TMEM132B: variants seen among roughly 807,000 people sequenced by gnomAD.
TMEM132B encodes the protein transmembrane protein 132B.
Under a neutral mutation model 90.8 loss-of-function variants are expected in TMEM132B, and 18 were observed. That is an observed-to-expected ratio of 0.20 (90% CI 0.14 to 0.29). TMEM132B has a LOEUF of 0.29. Among genes scored for constraint, TMEM132B ranks in the 10% least tolerant of loss-of-function variants. TMEM132B has a pLI of 1.00. For missense variants in TMEM132B, 1,096 were observed against 1,326.8 expected (o/e 0.83, Z 2.70); for synonymous variants, 504 against 523.3 (o/e 0.96, Z 0.50).
At chr12:125,630,438 G>C (rs949528368) in intron 5 of TMEM132B, among the ~76,000 whole-genome samples, 8 of 151,890 alleles carry the variant, frequency 5.3e-5, no homozygotes, top group Admixed American at 5.3e-4. Flanking sequence ...GTTGCTTATG[G>C]TAGCCACTAA....
At position 125,452,168 on chromosome 12, in the gene TMEM132B, C is replaced by A. The variant is rs561680576; in HGVS notation, c.1106+36491C>A. 1.2e-4 allele frequency among the ~76,000 whole-genome samples: 18 copies of A among 152,286 alleles called. 1 individual carries two copies. The South Asian group carries it at 3.3e-3, about 28-fold the overall frequency. On this transcript the variant is annotated intron_variant, in intron 3 of 8. Coordinates refer to ENST00000682704, the MANE Select transcript of TMEM132B (RefSeq NM_001366854.1). ...ATGCACCTATCTCATCCCCTGGATT[C>A]CAGCTGTGTAATTTTTTACCTTTAA...
In TMEM132B at chr12:125,349,338, G is replaced by A; in HGVS notation, c.68-114G>A. ...GCTTTCACTGTGATGAGACCTGGGG[G>A]AGAAACAGTGGCCAGTGGGCGGTTT... On this transcript the variant is annotated intron_variant, in intron 1 of 8. Coordinates refer to ENST00000682704, the MANE Select transcript of TMEM132B (RefSeq NM_001366854.1). This position sits in a 1 kb window ranked among gnomAD's most constrained non-coding sequence, Gnocchi z 4.1. 2.6e-6 allele frequency: 3 copies of A among 1,142,764 alleles called. No individual in the cohort carries two copies. The highest frequency in any genetic ancestry group is 1.6e-5 in the South Asian group (1 of 63,174). 70.8% of individuals were successfully genotyped at this position (1,142,764 alleles called of 1,614,324 possible). A position where few individuals can be genotyped will look rare whatever the true frequency, so the allele number is the denominator to read the frequency against.
chr12:125,272,918 C>CG (rs1874878157), intron 1 of TMEM132B, among the ~76,000 whole-genome samples: 1 of 152,136 alleles, frequency 6.6e-6, no homozygotes, highest in Non-Finnish European at 1.5e-5. Flanking sequence ...AGTCAGATGC[C>CG]GGGGGTCAGG....
chr12:125,355,858 T>A (rs1311289912), intron 2 of TMEM132B, among the ~76,000 whole-genome samples: 1 of 152,142 alleles, frequency 6.6e-6, no homozygotes, highest in Non-Finnish European at 1.5e-5. Context: ...GACTGCACAT[T>A]GTAGAGGGGC....
chr12:125,371,404 A>G (rs936633468), intron 2 of TMEM132B, among the ~76,000 whole-genome samples: 2 of 152,084 alleles, frequency 1.3e-5, no homozygotes, highest in African/African-American at 4.8e-5. Flanking sequence ...CATCCGAGGG[A>G]CCCGGGGTGT....
chr12:125,476,286 G>A (rs982197189), intron 3 of TMEM132B, among the ~76,000 whole-genome samples: 5 of 152,166 alleles, frequency 3.3e-5, no homozygotes, highest in Non-Finnish European at 5.9e-5. Flanking sequence ...TTTTAAGCAG[G>A]TAGGGATTGG....
rs77408209 is a variant in TMEM132B at position 125,492,925 on chromosome 12, A to G, written c.1107-26514A>G. On this transcript the variant is annotated intron_variant, in intron 3 of 8. Coordinates refer to ENST00000682704, the MANE Select transcript of TMEM132B (RefSeq NM_001366854.1). This position sits in a 1 kb window ranked among gnomAD's most constrained non-coding sequence, Gnocchi z 5.8. ...AACCCGTGAAGATAGATAACTATCT[A>G]AGGACGAATGGCAAAGAGCCTTGTG... 2.6e-5 allele frequency among the ~76,000 whole-genome samples: 4 copies of G among 152,342 alleles called. No homozygotes were observed. In the East Asian group the frequency reaches 7.7e-4, roughly 29 times the overall value.
intron 5 of TMEM132B, among the ~76,000 whole-genome samples, chr12:125,596,886 C>A (rs1885452316): frequency 6.6e-6 from 1 of 152,168 alleles, no homozygotes; most frequent in Non-Finnish European, 1.5e-5. Flanking sequence ...GTAGGCAGAG[C>A]CCTAGATGGC....
intron 4 of TMEM132B, among the ~76,000 whole-genome samples, chr12:125,550,000 T>C (rs1884182229): frequency 6.6e-6 from 1 of 152,210 alleles, no homozygotes; most frequent in Non-Finnish European, 1.5e-5. Flanking sequence ...TTCTCCTTTG[T>C]CAGCTGGTGC....
intron 3 of TMEM132B, among the ~76,000 whole-genome samples, chr12:125,505,930 A>G (rs1268680616): frequency 2.0e-5 from 3 of 152,214 alleles, no homozygotes; most frequent in Non-Finnish European, 4.4e-5. Flanking sequence ...CAGAAAATAT[A>G]TTTGAAGAGG....
At chr12:125,443,786 A>G (rs1269374945) in intron 3 of TMEM132B, among the ~76,000 whole-genome samples, 1 of 152,150 alleles carries the variant, frequency 6.6e-6, no homozygotes, top group Non-Finnish European at 1.5e-5. Context: ...TGCAAGAAAA[A>G]TGTTTTTTTT....
intron 3 of TMEM132B, among the ~76,000 whole-genome samples, chr12:125,425,018 A>G (rs753809873): frequency 6.6e-6 from 1 of 152,056 alleles, no homozygotes; most frequent in Non-Finnish European, 1.5e-5. Flanking sequence ...AAATTGGGAT[A>G]TGCGAGTCCA....
chr12:125,567,867 T>C (rs1884696703), intron 4 of TMEM132B, among the ~76,000 whole-genome samples: 1 of 152,150 alleles, frequency 6.6e-6, no homozygotes. Flanking sequence ...TAATAGGTGG[T>C]GCAAGGAATT....
intron 1 of TMEM132B, among the ~76,000 whole-genome samples, chr12:125,339,374 T>C (rs1877091346): frequency 6.6e-6 from 1 of 152,176 alleles, no homozygotes; most frequent in Non-Finnish European, 1.5e-5. Flanking sequence ...TCCCTGTGTG[T>C]GTCCGTTCTA....
chr12:125,393,501 G>A (rs921935667), intron 2 of TMEM132B, among the ~76,000 whole-genome samples: 5 of 152,106 alleles, frequency 3.3e-5, no homozygotes, highest in African/African-American at 9.7e-5. Flanking sequence ...CATCAATTAA[G>A]ATGAGAATTG....
intron 3 of TMEM132B, among the ~76,000 whole-genome samples, chr12:125,462,011 G>T (rs2136473996): frequency 6.6e-6 from 1 of 152,350 alleles, no homozygotes; most frequent in South Asian, 2.1e-4. Flanking sequence ...ATTTGAACCA[G>T]TCACTGTGAT....
intron 5 of TMEM132B, among the ~76,000 whole-genome samples, chr12:125,623,164 C>A (rs983313640): frequency 6.6e-6 from 1 of 152,120 alleles, no homozygotes; most frequent in African/African-American, 2.4e-5. Flanking sequence ...TTCTCAGGCA[C>A]CATTTGATGA....
At chr12:125,598,719 T>G (rs867305895) in intron 5 of TMEM132B, among the ~76,000 whole-genome samples, 18 of 152,198 alleles carry the variant, frequency 1.2e-4, no homozygotes, top group African/African-American at 4.3e-4. Context: ...CCTTACATGA[T>G]CCATTGCCAC....
rs1031104327 is a variant in TMEM132B at position 125,656,631 on chromosome 12, G to C, written c.*1921G>C. ...GGGATAAGGAAGCAAGGAGAGCCAG[G>C]CATTAGCTGCAAAAGGAGCTTGCAG... On this transcript the variant is annotated 3_prime_UTR_variant, in exon 9 of 9. Transcript: ENST00000682704. 1.2e-4 allele frequency: 18 copies of C among 152,304 alleles called. 1 individual carries two copies. Among genetic ancestry groups the C allele is most frequent in the African/African-American group, 3.6e-4 (15 of 41,560 alleles). 9.4% of individuals were successfully genotyped at this position (152,304 alleles called of 1,614,324 possible).
Sources: gnomAD v4.1 joint callset for allele counts (sites outside exome capture counted in the v4.1 genomes callset) on GRCh38, gnomAD v4.1.1 for gene constraint, Gnocchi (gnomAD v3.1) non-coding constraint, MANE v1.5 for transcripts, NCBI Gene and HGNC (gene_info 2026-07-23, HGNC 2026-07-21) for gene names.